Variants in CDH12 observed in about 807,000 individuals in gnomAD.
The protein encoded by CDH12 is cadherin 12, also known as cadherin-12.
CDH12 carries 41 observed loss-of-function variants against 74.1 expected under a neutral mutation model. That is an observed-to-expected ratio of 0.55 (90% CI 0.43 to 0.72). The LOEUF (loss-of-function observed/expected upper bound fraction) is 0.72, where lower values mean the gene tolerates loss of function less well. CDH12 is among the 30% of genes least tolerant of loss of function. The probability of loss-of-function intolerance (pLI) is 0.00; values close to 1 mark genes in which losing one functional copy is unlikely to be tolerated. For synonymous variants in CDH12, 399 were observed against 355.0 expected (o/e 1.12, Z -1.39); for missense variants, 945 against 977.2 (o/e 0.97, Z 0.44).
chr5:22,108,650 A>G (rs537842863), intron 4 of CDH12, among the ~76,000 whole-genome samples: 1 of 152,226 alleles, frequency 6.6e-6, no homozygotes, highest in South Asian at 2.1e-4. Flanking sequence ...GAGAGAAAAA[A>G]GTAGATAGGA....
chr5:22,066,830 T>G (rs2150211881), intron 5 of CDH12, among the ~76,000 whole-genome samples: 1 of 152,326 alleles, frequency 6.6e-6, no homozygotes, highest in African/African-American at 2.4e-5. Context: ...GGTCTGTAAC[T>G]AACACAGATG....
chr5:22,133,323 A>G (rs1393325106), intron 4 of CDH12, among the ~76,000 whole-genome samples: 1 of 152,120 alleles, frequency 6.6e-6, no homozygotes, highest in Non-Finnish European at 1.5e-5. Context: ...TTGTAGTCAG[A>G]TAGTCGAGAA....
rs370353483 is a variant in CDH12 at position 22,843,107 on chromosome 5, A to G, written c.-523+9951T>C. On this transcript the variant is annotated intron_variant, in intron 1 of 14. Coordinates refer to ENST00000382254, the MANE Select transcript of CDH12 (RefSeq NM_004061.5). Reference sequence around the variant, plus strand: ...ATTTACAAAAATTTGTTAAATAACCATTAATGAATATATCTTGGTGCTGCG... The same window carrying G: ...ATTTACAAAAATTTGTTAAATAACCGTTAATGAATATATCTTGGTGCTGCG... Among the ~76,000 whole-genome samples the G allele has an allele frequency of 1.6e-4, 24 of 152,226 alleles. No homozygotes were observed. In the South Asian group the frequency reaches 1.9e-3, roughly 12 times the overall value.
At chr5:22,368,737 C>T (rs986712314) in intron 3 of CDH12, among the ~76,000 whole-genome samples, 1 of 152,142 alleles carries the variant, frequency 6.6e-6, no homozygotes, top group African/African-American at 2.4e-5. Flanking sequence ...TGATTATAAT[C>T]TACCTTCATA....
chr5:22,584,916 A>G lies in CDH12; in HGVS notation c.-522-79552T>C, dbSNP rs191383134. Reference sequence around the variant, plus strand: ...TTCTTTCACTCTTTTGCCTTACAAGATACTGCCATAATATTTATCTTAAAA... The same window carrying G: ...TTCTTTCACTCTTTTGCCTTACAAGGTACTGCCATAATATTTATCTTAAAA... On this transcript the variant is annotated intron_variant, in intron 1 of 14. Coordinates refer to ENST00000382254, the MANE Select transcript of CDH12 (RefSeq NM_004061.5). 9.7e-4 allele frequency among the ~76,000 whole-genome samples: 147 copies of G among 152,316 alleles called. 1 individual carries two copies. In the Middle Eastern group the frequency reaches 0.014, roughly 14 times the overall value.
At chr5:22,471,095 G>A (rs2126605460) in intron 2 of CDH12, among the ~76,000 whole-genome samples, 1 of 101,026 alleles carries the variant, frequency 9.9e-6, no homozygotes, top group Non-Finnish European at 2.1e-5. Context: ...AAGCTTCTAG[G>A]ATAATCTCTT....
At chr5:22,058,560 C>T (rs961182311) in intron 5 of CDH12, among the ~76,000 whole-genome samples, 6 of 150,652 alleles carry the variant, frequency 4.0e-5, no homozygotes, top group African/African-American at 9.8e-5. Context: ...TAGATTACCG[C>T]GGGTTTTTTT....
chr5:22,079,436 A>G (rs1355548350), intron 4 of CDH12, among the ~76,000 whole-genome samples: 1 of 152,234 alleles, frequency 6.6e-6, no homozygotes, highest in Non-Finnish European at 1.5e-5. Context: ...ATTTTTAAAA[A>G]GCAAAAAGTT....
intron 5 of CDH12, among the ~76,000 whole-genome samples, chr5:22,035,740 A>ACG (rs1364658068): frequency 6.6e-6 from 1 of 151,668 alleles, no homozygotes; most frequent in Non-Finnish European, 1.5e-5. Context: ...ACACACACAC[A>ACG]CACACACACA....
intron 3 of CDH12, among the ~76,000 whole-genome samples, chr5:22,254,473 T>C (rs1753246930): frequency 6.6e-6 from 1 of 151,728 alleles, no homozygotes; most frequent in Admixed American, 6.6e-5. Flanking sequence ...TAGATTTGAG[T>C]TTTAGATCTT....
At chr5:22,265,268 G>A (rs972620430) in intron 3 of CDH12, among the ~76,000 whole-genome samples, 9 of 152,154 alleles carry the variant, frequency 5.9e-5, no homozygotes, top group South Asian at 2.1e-4. Flanking sequence ...GCAGAAACAT[G>A]TACTACTTTT....
At chr5:22,160,696 C>G (rs1748293134) in intron 4 of CDH12, among the ~76,000 whole-genome samples, 2 of 152,062 alleles carry the variant, frequency 1.3e-5, no homozygotes, top group South Asian at 2.1e-4. Flanking sequence ...TAGGTCACAC[C>G]TTTTGGCTGT....
chr5:22,467,059 A>G (rs1224149877), intron 2 of CDH12, among the ~76,000 whole-genome samples: 1 of 151,986 alleles, frequency 6.6e-6, no homozygotes, highest in Non-Finnish European at 1.5e-5. Context: ...TGCTGGGATT[A>G]CAAGCGTGAG....
chr5:22,076,969 C>T (rs1364044464), intron 5 of CDH12, among the ~76,000 whole-genome samples: 11 of 151,972 alleles, frequency 7.2e-5, no homozygotes, highest in Non-Finnish European at 7.4e-5. Context: ...ATGAGGTTGG[C>T]CCCGTGCCAC....
chr5:22,716,650 T>A (rs913123129), intron 1 of CDH12, among the ~76,000 whole-genome samples: 1 of 150,880 alleles, frequency 6.6e-6, no homozygotes, highest in Non-Finnish European at 1.5e-5. Flanking sequence ...CAGTCTCAGG[T>A]CCTTCGGGAG....
At chr5:22,128,902 C>T (rs564470859) in intron 4 of CDH12, among the ~76,000 whole-genome samples, 3 of 152,292 alleles carry the variant, frequency 2.0e-5, no homozygotes, top group African/African-American at 7.2e-5. Context: ...TACTGTCTCC[C>T]TGTAAAGAGC....
intron 2 of CDH12, among the ~76,000 whole-genome samples, chr5:22,502,569 A>G (rs1432549090): frequency 6.6e-6 from 1 of 152,046 alleles, no homozygotes; most frequent in East Asian, 1.9e-4. Context: ...TGGAAATAGA[A>G]TTAAATTGGT....
rs115205979 is a variant in CDH12 at position 21,899,732 on chromosome 5, G to T, written c.527-44942C>A. ...TTATTTAAAAGGTTTGTTTTAAAAA[G>T]CTCTTATTAGTAATAACAATTATTA... is the stretch of plus-strand genomic sequence containing the variant. On this transcript the variant is annotated intron_variant, in intron 6 of 14. Transcript: ENST00000382254. Among the ~76,000 whole-genome samples, 878 of 150,960 alleles carry T rather than the reference G, an allele frequency of 5.8e-3. 13 individuals carry two copies. The highest frequency in any genetic ancestry group is 0.02 in the African/African-American group (822 of 41,354).
chr5:22,812,736 C>A lies in CDH12; in HGVS notation c.-523+40322G>T, dbSNP rs1020923217. On this transcript the variant is annotated intron_variant, in intron 1 of 14. Coordinates refer to ENST00000382254, the MANE Select transcript of CDH12 (RefSeq NM_004061.5). ...GGTCTGGCGAAAAGAAAAACCTAAA[C>A]TGATTAAACTTTGTAGTATTTGACT... 4.6e-5 allele frequency among the ~76,000 whole-genome samples: 7 copies of A among 152,116 alleles called. No homozygotes were observed. In the East Asian group the frequency reaches 1.4e-3, roughly 29 times the overall value.
Sources: allele counts gnomAD v4.1 joint callset (sites outside exome capture counted in the v4.1 genomes callset), GRCh38; gene constraint gnomAD v4.1.1; transcripts MANE v1.5; gene names NCBI Gene and HGNC (gene_info 2026-07-23, HGNC 2026-07-21).